The following COMMD10 variants were observed in gnomAD, a reference collection of about 807,000 sequenced individuals.
COMMD10 encodes the protein COMM domain containing 10.
Under a neutral mutation model 28.9 loss-of-function variants are expected in COMMD10, and 33 were observed. The ratio of observed to expected loss-of-function variants is 1.14; its 90% confidence interval spans 0.87 to 1.53. The LOEUF (loss-of-function observed/expected upper bound fraction) is 1.53, where lower values mean the gene tolerates loss of function less well. Ranked by LOEUF, COMMD10 falls within the 40% of genes most tolerant of loss-of-function variation. The pLI, the probability that COMMD10 is intolerant of heterozygous loss-of-function variation, is 0.00. For synonymous variants in COMMD10, 110 were observed against 81.7 expected, an observed-to-expected ratio of 1.35 and a Z score of -1.87; for missense variants, 310 against 233.4, an observed-to-expected ratio of 1.33 and a Z score of -2.14.
At chr5:116,201,723 C>T (rs1748672584) in intron 5 of COMMD10, among the ~76,000 whole-genome samples, 1 of 152,100 alleles carries the variant, frequency 6.6e-6, no homozygotes, top group Non-Finnish European at 1.5e-5. Context: ...CTGACATGGA[C>T]TGCACTGCAG....
chr5:116,107,157 G>A (rs1431190412), intron 4 of COMMD10, among the ~76,000 whole-genome samples: 2 of 151,906 alleles, frequency 1.3e-5, no homozygotes, highest in Non-Finnish European at 2.9e-5. Flanking sequence ...TATGTGTCTC[G>A]GGGTTGCTCT....
chr5:116,217,473 C>G (rs1032902164), intron 5 of COMMD10, among the ~76,000 whole-genome samples: 3 of 152,170 alleles, frequency 2.0e-5, no homozygotes, highest in African/African-American at 7.2e-5. Flanking sequence ...CTGACCCTGA[C>G]TATCAGGAAG....
chr5:116,250,453 C>G (rs144071339), intron 5 of COMMD10, among the ~76,000 whole-genome samples: 10 of 151,046 alleles, frequency 6.6e-5, no homozygotes, highest in African/African-American at 2.2e-4. Flanking sequence ...ATTGGAGATA[C>G]TAGATGGAAG....
intron 5 of COMMD10, among the ~76,000 whole-genome samples, chr5:116,290,470 C>T (rs533573008): frequency 2.0e-4 from 31 of 151,758 alleles, no homozygotes; most frequent in Non-Finnish European, 3.7e-4. Flanking sequence ...GAACATAGCC[C>T]CATTGACTCT....
chr5:116,273,884 AAG>A (rs1040954010), intron 5 of COMMD10, among the ~76,000 whole-genome samples: 5 of 151,784 alleles, frequency 3.3e-5, no homozygotes, highest in African/African-American at 1.2e-4. Context: ...AACTACAGAA[AAG>A]AGAAAATTTG....
At chr5:116,100,877 T>A (rs867978197) in intron 4 of COMMD10, among the ~76,000 whole-genome samples, 10 of 152,260 alleles carry the variant, frequency 6.6e-5, no homozygotes, top group Middle Eastern at 3.4e-3. Flanking sequence ...TAATTTCTCA[T>A]TATCCACCCT....
At chr5:116,181,497 A>G (rs1436029810) in intron 5 of COMMD10, among the ~76,000 whole-genome samples, 4 of 151,044 alleles carry the variant, frequency 2.6e-5, no homozygotes, top group Non-Finnish European at 5.9e-5. Context: ...CATTATTGCT[A>G]CTGAGTTTTG....
intron 4 of COMMD10, among the ~76,000 whole-genome samples, chr5:116,093,175 T>C (rs1047171811): frequency 2.0e-5 from 3 of 152,202 alleles, no homozygotes; most frequent in Non-Finnish European, 4.4e-5. Flanking sequence ...ACTTTTGATC[T>C]CTTCTTCGGC....
At chr5:116,259,172 C>G (rs1222316050) in intron 5 of COMMD10, among the ~76,000 whole-genome samples, 1 of 150,670 alleles carries the variant, frequency 6.6e-6, no homozygotes. Flanking sequence ...AAGTGATTCT[C>G]CCACCTCAGC....
At chr5:116,259,095 C>G (rs986820666) in intron 5 of COMMD10, among the ~76,000 whole-genome samples, 2 of 140,588 alleles carry the variant, frequency 1.4e-5, no homozygotes, top group African/African-American at 5.4e-5. Context: ...GAGAGTCTCG[C>G]TTTCTCACCC....
At chr5:116,274,388 G>T (rs902510019) in intron 5 of COMMD10, among the ~76,000 whole-genome samples, 4 of 151,746 alleles carry the variant, frequency 2.6e-5, no homozygotes, top group African/African-American at 9.7e-5. Flanking sequence ...ACAAAAGTAG[G>T]CTTAGACACT....
chr5:116,246,214 G>A (rs1299318487), intron 5 of COMMD10, among the ~76,000 whole-genome samples: 6 of 151,796 alleles, frequency 4.0e-5, no homozygotes, highest in African/African-American at 1.5e-4. Flanking sequence ...AGCCAAATGA[G>A]GAACATACTC....
intron 1 of COMMD10, chr5:116,085,382 C>A: frequency 2.4e-6 from 1 of 411,996 alleles, no homozygotes; most frequent in Non-Finnish European, 4.3e-6. Context: ...TCACTGTTCG[C>A]GGAGTTTGGT....
At chr5:116,121,923 T>A (rs1438828716) in intron 4 of COMMD10, among the ~76,000 whole-genome samples, 1 of 152,250 alleles carries the variant, frequency 6.6e-6, no homozygotes, top group Non-Finnish European at 1.5e-5. Flanking sequence ...TTTCTCCCAT[T>A]CTGTAGGTTG....
intron 4 of COMMD10, among the ~76,000 whole-genome samples, chr5:116,127,750 A>T (rs1365184809): frequency 6.6e-6 from 1 of 152,000 alleles, no homozygotes; most frequent in Non-Finnish European, 1.5e-5. Flanking sequence ...CACAGGGTGG[A>T]GAACATCACA....
chr5:116,246,080 A>C (rs1022176577), intron 5 of COMMD10, among the ~76,000 whole-genome samples: 1 of 152,178 alleles, frequency 6.6e-6, no homozygotes, highest in African/African-American at 2.4e-5. Context: ...CAATTTCTAG[A>C]AAACCACATA....
At chr5:116,115,818 T>C (rs1751215695) in intron 4 of COMMD10, among the ~76,000 whole-genome samples, 1 of 152,212 alleles carries the variant, frequency 6.6e-6, no homozygotes, top group South Asian at 2.1e-4. Context: ...TTATATATAT[T>C]TTCTAAAATA....
At chr5:116,163,479 A>G (rs1752988903) in intron 5 of COMMD10, among the ~76,000 whole-genome samples, 1 of 149,700 alleles carries the variant, frequency 6.7e-6, no homozygotes, top group African/African-American at 2.5e-5. Context: ...AATCCCAGCT[A>G]CTCAGGAGGC....
At chr5:116,257,700 G>A (rs1278133759) in intron 5 of COMMD10, among the ~76,000 whole-genome samples, 1 of 151,492 alleles carries the variant, frequency 6.6e-6, no homozygotes, top group Non-Finnish European at 1.5e-5. Flanking sequence ...TTCAAAATTA[G>A]GTTAATTTTT....
Sources: allele counts gnomAD v4.1 joint callset (sites outside exome capture counted in the v4.1 genomes callset), GRCh38; gene constraint gnomAD v4.1.1; transcripts MANE v1.5; gene names NCBI Gene and HGNC (gene_info 2026-07-23, HGNC 2026-07-21).